ZNF385B: variants seen among roughly 807,000 people sequenced by gnomAD.
ZNF385B encodes zinc finger protein 533.
Under a neutral mutation model 39.2 loss-of-function variants are expected in ZNF385B, and 23 were observed. The observed-to-expected ratio is 0.59, with a 90% CI of 0.42 to 0.83. The LOEUF is 0.83. Ranked by LOEUF, ZNF385B falls within the 40% of genes least tolerant of loss-of-function variation. ZNF385B has a pLI of 0.00. For missense variants in ZNF385B, 552 were observed against 598.9 expected (o/e 0.92, Z 0.82); for synonymous variants, 205 against 222.6 (o/e 0.92, Z 0.70).
chr2:179,681,380 T>TATAG (rs1697499444), intron 3 of ZNF385B, among the ~76,000 whole-genome samples: 2 of 152,202 alleles, frequency 1.3e-5, no homozygotes, highest in South Asian at 4.1e-4. Context: ...AGGGACTCTA[T>TATAG]GTTCTGAAGT....
chr2:179,646,886 T>C (rs1373031267), intron 3 of ZNF385B, among the ~76,000 whole-genome samples: 2 of 152,256 alleles, frequency 1.3e-5, no homozygotes, highest in Non-Finnish European at 2.9e-5. Flanking sequence ...AACTATTTAA[T>C]ATGCAATCAG....
intron 3 of ZNF385B, among the ~76,000 whole-genome samples, chr2:179,722,453 T>C (rs1700755837): frequency 6.6e-6 from 1 of 152,088 alleles, no homozygotes; most frequent in African/African-American, 2.4e-5. Flanking sequence ...ACACAGAAAC[T>C]TGGTTTTTGG....
chr2:179,693,772 C>T (rs1698525447), intron 3 of ZNF385B, among the ~76,000 whole-genome samples: 1 of 152,112 alleles, frequency 6.6e-6, no homozygotes, highest in Admixed American at 6.6e-5. Context: ...CACATTTGGT[C>T]CCTCCATCTC....
chr2:179,696,768 A>G (rs7420879), intron 3 of ZNF385B, among the ~76,000 whole-genome samples: 150,342 of 152,220 alleles, frequency 0.99, 74,274 homozygotes, highest in Middle Eastern at 1. Context: ...TACGTATTAT[A>G]TATCACTACC....
chr2:179,518,892 A>G (rs1471619641), intron 4 of ZNF385B, among the ~76,000 whole-genome samples: 1 of 152,252 alleles, frequency 6.6e-6, no homozygotes, highest in Non-Finnish European at 1.5e-5. Context: ...CCATATTTCC[A>G]GAAACCTAAT....
intron 5 of ZNF385B, among the ~76,000 whole-genome samples, chr2:179,512,428 A>C (rs1315511366): frequency 1.3e-5 from 2 of 152,162 alleles, no homozygotes; most frequent in Non-Finnish European, 2.9e-5. Context: ...TGAATATGTA[A>C]ATTAGAAATT....
chr2:179,648,353 G>A (rs1462039292), intron 3 of ZNF385B, among the ~76,000 whole-genome samples: 1 of 152,226 alleles, frequency 6.6e-6, no homozygotes, highest in South Asian at 2.1e-4. Flanking sequence ...CTCAATCTTG[G>A]AGAAGTTATA....
chr2:179,761,075 G>T (rs1031297709), intron 3 of ZNF385B, among the ~76,000 whole-genome samples: 1 of 151,976 alleles, frequency 6.6e-6, no homozygotes, highest in African/African-American at 2.4e-5. Flanking sequence ...CTATGTCTGG[G>T]TTCTCTAGTC....
At chr2:179,624,867 T>C (rs867877522) in intron 3 of ZNF385B, among the ~76,000 whole-genome samples, 7 of 152,216 alleles carry the variant, frequency 4.6e-5, no homozygotes. Context: ...AGGCCCTTGC[T>C]AGGGAATGTA....
chr2:179,495,881 C>T (rs1298466039), intron 5 of ZNF385B, among the ~76,000 whole-genome samples: 10 of 152,242 alleles, frequency 6.6e-5, no homozygotes, highest in Middle Eastern at 3.4e-3. Context: ...CCAAGAAGGA[C>T]GGCTACAAAT....
chr2:179,483,333 G>A lies in ZNF385B; in HGVS notation c.654C>T (p.Ser218=), dbSNP rs747827786. 34 of 1,613,834 alleles carry A rather than the reference G, an allele frequency of 2.1e-5. 1 individual carries two copies. The highest frequency in any genetic ancestry group is 2.0e-4 in the Admixed American group (12 of 59,966). ...NKPKMVPSKD[S]AKANPSCSIT... ...TGGAGCAGCTGGGATTAGCCTTTGC[G>A]CTGTCCTTGGAAGGAACCATTTTGG... The change falls in exon 6 of 10, where the codon AGC becomes AGT. Residue 218 remains serine (S), a synonymous_variant. Coordinates refer to ENST00000410066, the MANE Select transcript of ZNF385B (RefSeq NM_152520.6).
chr2:179,456,896 CT>C (rs2050763057), intron 6 of ZNF385B, among the ~76,000 whole-genome samples: 2 of 152,000 alleles, frequency 1.3e-5, no homozygotes, highest in African/African-American at 2.4e-5. Context: ...TACTTTTAAA[CT>C]TTTTTCTTTT....
At chr2:179,831,450 T>G (rs976336190) in intron 1 of ZNF385B, among the ~76,000 whole-genome samples, 2 of 151,836 alleles carry the variant, frequency 1.3e-5, no homozygotes, top group African/African-American at 4.8e-5. Context: ...TGCATGAACA[T>G]TTCCACTTAA....
chr2:179,818,072 A>G (rs1399827200), intron 1 of ZNF385B, among the ~76,000 whole-genome samples: 1 of 151,772 alleles, frequency 6.6e-6, no homozygotes, highest in Non-Finnish European at 1.5e-5. Flanking sequence ...AGTATGTTGC[A>G]TGTGTGTAAT....
At chr2:179,483,986 T>TG (rs776613814) in intron 5 of ZNF385B, among the ~76,000 whole-genome samples, 1 of 152,222 alleles carries the variant, frequency 6.6e-6, no homozygotes, top group Non-Finnish European at 1.5e-5. Context: ...ACCATTTTGA[T>TG]GATTCCAGTT....
Position 179,556,166 on chromosome 2 carries a change from T to C in ZNF385B, c.299-11197A>G, listed in dbSNP as rs1000076423. Among the ~76,000 whole-genome samples, 8 of 148,616 alleles carry C rather than the reference T, an allele frequency of 5.4e-5. 1 individual carries two copies. The highest frequency in any genetic ancestry group is 2.0e-4 in the African/African-American group (8 of 39,172). On this transcript the variant is annotated intron_variant, in intron 3 of 9. Coordinates refer to ENST00000410066, the MANE Select transcript of ZNF385B (RefSeq NM_152520.6). Reference sequence around the variant, plus strand: ...GGTGATTCATTTATACCTGAATATCTTGCCCACTTGGATTTCTTACATTTA... The same window carrying C: ...GGTGATTCATTTATACCTGAATATCCTGCCCACTTGGATTTCTTACATTTA...
chr2:179,482,637 A>G (rs1338520436), intron 6 of ZNF385B, among the ~76,000 whole-genome samples: 1 of 152,194 alleles, frequency 6.6e-6, no homozygotes, highest in Non-Finnish European at 1.5e-5. Flanking sequence ...ATTTATATAT[A>G]AAGGTCTTCT....
Position 179,445,715 on chromosome 2 carries a change from C to G in ZNF385B, c.975G>C (p.Lys325Asn). 1 of 1,610,850 alleles carries G rather than the reference C, an allele frequency of 6.2e-7. No homozygotes were observed. Among genetic ancestry groups the G allele is most frequent in the Non-Finnish European group, 8.5e-7 (1 of 1,178,860 alleles). ...CCCCATTACGAGCTTCAACCATGGT[C>G]TTGTGTTTAGATCCTAAGACAGAAA... ...LEAHNTGSKH[K>N]TMVEARNGAG... The change falls in exon 8 of 10, where the codon AAG becomes AAC. Residue 325 changes from lysine to asparagine, a missense_variant. Physicochemically the swap from Lys to Asn is moderately conservative, Grantham distance 94. Coordinates refer to ENST00000410066, the MANE Select transcript of ZNF385B (RefSeq NM_152520.6).
At chr2:179,772,687 CA>C (rs1425227241) in intron 1 of ZNF385B, among the ~76,000 whole-genome samples, 3 of 152,152 alleles carry the variant, frequency 2.0e-5, no homozygotes, top group African/African-American at 7.2e-5. Context: ...GGGAAACTAA[CA>C]GTGAGTTTAA....
Sources: allele counts gnomAD v4.1 joint callset (sites outside exome capture counted in the v4.1 genomes callset), GRCh38; gene constraint gnomAD v4.1.1; transcripts MANE v1.5; gene names NCBI Gene and HGNC (gene_info 2026-07-23, HGNC 2026-07-21).